RADIL: variants seen among roughly 807,000 people sequenced by gnomAD.
The protein encoded by RADIL is Rap associating with DIL domain.
In RADIL, 99 loss-of-function variants were observed where a neutral mutation model predicts 97.6. That is an observed-to-expected ratio of 1.01 (90% CI 0.86 to 1.20). The LOEUF is 1.20. RADIL is among the 50% of genes most tolerant of loss of function. The pLI is 0.00. For missense variants in RADIL, 1,765 were observed against 1,498.9 expected, an observed-to-expected ratio of 1.18 and a Z score of -2.93; for synonymous variants, 803 against 691.8, an observed-to-expected ratio of 1.16 and a Z score of -2.52.
chr7:4,812,282 TTG>T (rs1782568150), intron 9 of RADIL, among the ~76,000 whole-genome samples: 1 of 152,226 alleles, frequency 6.6e-6, no homozygotes, highest in Non-Finnish European at 1.5e-5. Context: ...TTCATCTAAA[TTG>T]TCAAATTTAT....
At chr7:4,844,521 CA>C (rs1163737473) in intron 2 of RADIL, among the ~76,000 whole-genome samples, 1 of 152,134 alleles carries the variant, frequency 6.6e-6, no homozygotes, top group African/African-American at 2.4e-5. Context: ...GTAGGAAATG[CA>C]AAAGAATCTA....
At position 4,817,463 on chromosome 7, in the gene RADIL, T is replaced by A; in HGVS notation, c.1616-112A>T. The A allele has an allele frequency of 1.1e-6, 1 of 893,008 alleles. No homozygotes were observed. The highest frequency in any genetic ancestry group is 1.7e-6 in the Non-Finnish European group (1 of 590,146). The allele number at this position is 893,008 out of a possible 1,614,324, so 55.3% of individuals were successfully genotyped here. A position where few individuals can be genotyped will look rare whatever the true frequency, so the allele number is the denominator to read the frequency against. ...GCGCGGGCACCACCCAACGCGCCCA[T>A]CTGGGGTCCAGATGCGATAAACTGG... On this transcript the variant is annotated intron_variant, in intron 6 of 14. Transcript: ENST00000399583. The surrounding 1 kb of genome is among the most constrained non-coding windows in gnomAD (Gnocchi z 8.3).
At chr7:4,808,994 C>CT in intron 9 of RADIL, 1 of 833,642 alleles carries the variant, frequency 1.2e-6, no homozygotes, top group Non-Finnish European at 1.4e-6. Flanking sequence ...ACTGCCCCCC[C>CT]GCGTCCCCTT....
Position 4,878,290 on chromosome 7 carries a change from T to TCC in RADIL, c.-64-89_-64-88dup, listed in dbSNP as rs75443190. 209,899 of 858,852 alleles carry TCC rather than the reference T, an allele frequency of 0.24. 28,496 individuals are homozygous for TCC. Among genetic ancestry groups the TCC allele is most frequent in the Admixed American group, 0.36 (12,233 of 33,810 alleles). The allele number at this position is 858,852 out of a possible 1,614,324, so 53.2% of individuals were successfully genotyped here. On this transcript the variant is annotated intron_variant, in intron 1 of 14. Coordinates refer to ENST00000399583, the MANE Select transcript of RADIL (RefSeq NM_018059.5). This position sits in a 1 kb window ranked among gnomAD's most constrained non-coding sequence, Gnocchi z 4.1. ...CACAGGCGGTGACTCCTGCCCGTCA[T>TCC]CCCAGCGCTTTAGAAGGCCAAGGTG...
intron 5 of RADIL, among the ~76,000 whole-genome samples, chr7:4,826,482 C>G (rs911845487): frequency 6.6e-6 from 1 of 152,016 alleles, no homozygotes; most frequent in Non-Finnish European, 1.5e-5. Flanking sequence ...CCTGTAATCC[C>G]AGCACTTTGG....
In RADIL at chr7:4,821,545, GA is replaced by G. The variant is rs1433167662; in HGVS notation, c.1615+848del. 2.0e-5 allele frequency among the ~76,000 whole-genome samples: 3 copies of G among 152,106 alleles called. No homozygotes were observed. Among genetic ancestry groups the G allele is most frequent in the Non-Finnish European group, 4.4e-5 (3 of 68,020 alleles). ...GAATCCCTCTCCCTTAGTATTTTCA[GA>G]ACACTTCCTACTGCATTTCAGAAAT... On this transcript the variant is annotated intron_variant, in intron 6 of 14. Coordinates refer to ENST00000399583, the MANE Select transcript of RADIL (RefSeq NM_018059.5). The surrounding 1 kb of genome is among the most constrained non-coding windows in gnomAD (Gnocchi z 5.2).
In RADIL at chr7:4,833,410, T is replaced by A. The variant is rs138128472; in HGVS notation, c.1416+1197A>T. On this transcript the variant is annotated intron_variant, in intron 4 of 14. Transcript: ENST00000399583. ...GGACACACACTACAGGGACATCACC[T>A]GGCCCTGTGTCCATGACTGCACGGA... Among the ~76,000 whole-genome samples the A allele has an allele frequency of 7.5e-3, 1,149 of 152,262 alleles. 16 individuals are homozygous for A. The highest frequency in any genetic ancestry group is 0.026 in the African/African-American group (1,100 of 41,554).
intron 2 of RADIL, among the ~76,000 whole-genome samples, chr7:4,845,902 G>A (rs1783555890): frequency 6.6e-6 from 1 of 152,134 alleles, no homozygotes; most frequent in South Asian, 2.1e-4. Context: ...TGGCGTAACC[G>A]AGAACTTCCT....
chr7:4,801,987 G>C lies in RADIL; in HGVS notation c.2508C>G (p.His836Gln), dbSNP rs1361288465. Residue 836 changes from histidine to glutamine, a missense_variant, in exon 12 of 15, where the codon CAC becomes CAG. Physicochemically the swap from His to Gln is conservative, Grantham distance 24. Coordinates refer to ENST00000399583, the MANE Select transcript of RADIL (RefSeq NM_018059.5). ...ASQPVCPEGM[H>Q]HVVLDGHLEA... is the part of the protein sequence containing the mutation. ...CCAGGTGCCCGTCAAGGACCACGTG[G>C]TGCATACCCTAGGGAGAGGAAGGGT... The C allele has an allele frequency of 2.0e-6, 3 of 1,530,368 alleles. No individual in the cohort carries two copies. The highest frequency in any genetic ancestry group is 2.6e-6 in the Non-Finnish European group (3 of 1,143,058). The allele number at this position is 1,530,368 out of a possible 1,614,324, so 94.8% of individuals were successfully genotyped here. A position where few individuals can be genotyped will look rare whatever the true frequency, so the allele number is the denominator to read the frequency against.
intron 2 of RADIL, chr7:4,859,842 T>A: frequency 8.9e-7 from 1 of 1,127,152 alleles, no homozygotes; most frequent in East Asian, 2.4e-5. Flanking sequence ...CTCTTCCGTT[T>A]TGGTTTTCTT....
intron 9 of RADIL, among the ~76,000 whole-genome samples, chr7:4,812,023 C>T (rs928848234): frequency 6.6e-6 from 1 of 151,798 alleles, no homozygotes; most frequent in African/African-American, 2.4e-5. Context: ...CACGGGCATG[C>T]ATCACCATGC....
At chr7:4,866,698 C>A (rs532311019) in intron 2 of RADIL, among the ~76,000 whole-genome samples, 1 of 152,274 alleles carries the variant, frequency 6.6e-6, no homozygotes, top group South Asian at 2.1e-4. Context: ...GGAGACTTAT[C>A]CTGGGTCAGT....
intron 2 of RADIL, among the ~76,000 whole-genome samples, chr7:4,841,931 C>CTGCAGTCCCAA (rs1356465371): frequency 1.3e-5 from 2 of 152,236 alleles, no homozygotes; most frequent in Non-Finnish European, 2.9e-5. Context: ...TGGTGTGTGC[C>CTGCAGTCCCAA]TGCAGTCCCA....
rs1228127761 is a variant in RADIL at position 4,849,155 on chromosome 7, A to AGG, written c.536-12552_536-12551dup. Among the ~76,000 whole-genome samples, 664 of 149,030 alleles carry AGG rather than the reference A, an allele frequency of 4.5e-3. 4 individuals carry two copies. Among genetic ancestry groups the AGG allele is most frequent in the African/African-American group, 0.01 (417 of 39,928 alleles). On this transcript the variant is annotated intron_variant, in intron 2 of 14. Coordinates refer to ENST00000399583, the MANE Select transcript of RADIL (RefSeq NM_018059.5). The surrounding 1 kb of genome is among the most constrained non-coding windows in gnomAD (Gnocchi z 5.4). ...TTCTGTCTCAAAAAAAAAAAAAAAA[A>AGG]GGGAATTAAAAGCCAGAAAGAAAGA...
chr7:4,849,702 CTG>C lies in RADIL; in HGVS notation c.536-13099_536-13098del, dbSNP rs1387960871. ...CCTCTTGAGGACAAAGAAAATGATACTGTGTGGGGAGTGTGGACAGGGACGGC... is the reference window on the plus strand; with the variant it reads ...CCTCTTGAGGACAAAGAAAATGATACTGTGGGGAGTGTGGACAGGGACGGC... On this transcript the variant is annotated intron_variant, in intron 2 of 14. Coordinates refer to ENST00000399583, the MANE Select transcript of RADIL (RefSeq NM_018059.5). The surrounding 1 kb of genome is among the most constrained non-coding windows in gnomAD (Gnocchi z 5.4). Among the ~76,000 whole-genome samples the C allele has an allele frequency of 6.6e-6, 1 of 152,154 alleles. No individual in the cohort carries two copies. The highest frequency in any genetic ancestry group is 2.4e-5 in the African/African-American group (1 of 41,440).
At chr7:4,823,045 G>A (rs1159526263) in intron 5 of RADIL, among the ~76,000 whole-genome samples, 1 of 152,170 alleles carries the variant, frequency 6.6e-6, no homozygotes, top group East Asian at 1.9e-4. Context: ...GGTGCACAAA[G>A]GCAAAATGAA....
intron 2 of RADIL, among the ~76,000 whole-genome samples, chr7:4,845,365 C>G (rs527921932): frequency 6.6e-6 from 1 of 152,290 alleles, no homozygotes; most frequent in East Asian, 1.9e-4. Context: ...CTGCAGTGAG[C>G]TATGATTGTG....
At chr7:4,812,647 C>A (rs1782577980) in intron 9 of RADIL, among the ~76,000 whole-genome samples, 1 of 152,168 alleles carries the variant, frequency 6.6e-6, no homozygotes. Context: ...GTCTCAAACT[C>A]CTGACCTCAA....
Position 4,836,381 on chromosome 7 carries a change from G to C in RADIL, c.760C>G (p.Leu254Val), listed in dbSNP as rs1783299885. Residue 254 changes from leucine (L) to valine (V), a missense_variant, in exon 3 of 15, where the codon CTG becomes GTG. Leu to Val is a conservative substitution (Grantham distance 32). Transcript: ENST00000399583. Reference protein sequence around the residue: ...SLYQSPHLLLLQGYSQQHDSL... With the variant: ...SLYQSPHLLLVQGYSQQHDSL... ...ACGTGCTGCTGGCTGTAGCCCTGCA[G>C]AAGGAGCAGATGCGGGGACTGGTAC... 1 of 1,574,598 alleles carries C rather than the reference G, an allele frequency of 6.4e-7. No individual in the cohort carries two copies. The highest frequency in any genetic ancestry group is 1.3e-5 in the African/African-American group (1 of 74,238).
Sources: allele counts gnomAD v4.1 joint callset (sites outside exome capture counted in the v4.1 genomes callset), GRCh38; gene constraint gnomAD v4.1.1; non-coding constraint Gnocchi (gnomAD v3.1); transcripts MANE v1.5; gene names NCBI Gene and HGNC (gene_info 2026-07-23, HGNC 2026-07-21).